Variants in MAP4K4 observed in about 807,000 individuals in gnomAD.
The protein encoded by MAP4K4 is HPK/GCK-like kinase HGK.
MAP4K4 carries 38 observed loss-of-function variants against 189.6 expected under a neutral mutation model. The observed-to-expected ratio is 0.20, with a 90% confidence interval of 0.15 to 0.26. The LOEUF (loss-of-function observed/expected upper bound fraction) is 0.26, where lower values mean the gene tolerates loss of function less well. MAP4K4 is among the 10% of genes least tolerant of loss of function. MAP4K4 has a pLI of 1.00. For synonymous variants in MAP4K4, 610 were observed against 624.3 expected (o/e 0.98, Z 0.34); for missense variants, 1,054 against 1,726.9 (o/e 0.61, Z 6.91).
intron 29 of MAP4K4, 139 bp from the exon 30 acceptor site, chr2:101,886,949 T>G: frequency 1.8e-6 from 1 of 562,766 alleles, no homozygotes; most frequent in Non-Finnish European, 3.0e-6. Flanking sequence ...GGTGCGAACC[T>G]GGGAGGCGGA....
chr2:101,803,443 C>T (rs889040847), intron 3 of MAP4K4, among the ~76,000 whole-genome samples: 2 of 152,168 alleles, frequency 1.3e-5, no homozygotes, highest in African/African-American at 4.8e-5. Flanking sequence ...TTTAGATAAC[C>T]TGTGTCCATT....
chr2:101,807,330 G>A (rs927741945), intron 3 of MAP4K4, among the ~76,000 whole-genome samples: 3 of 152,060 alleles, frequency 2.0e-5, no homozygotes, highest in Admixed American at 1.3e-4. Flanking sequence ...GCCTCCCAGA[G>A]TGCTAAGATT....
intron 2 of MAP4K4, among the ~76,000 whole-genome samples, chr2:101,739,371 A>G (rs1471820412): frequency 3.3e-5 from 5 of 151,162 alleles, no homozygotes; most frequent in Admixed American, 2.0e-4. Flanking sequence ...CTTCATGGAT[A>G]GGAGTCCTAA....
intron 12 of MAP4K4, among the ~76,000 whole-genome samples, chr2:101,845,850 TC>T (rs139471122): frequency 0.057 from 8,603 of 152,160 alleles, 656 homozygotes; most frequent in African/African-American, 0.17. Flanking sequence ...TTACCTTTTT[TC>T]CCCCAGAAAA....
intron 2 of MAP4K4, among the ~76,000 whole-genome samples, chr2:101,786,429 A>G (rs548627223): frequency 6.6e-6 from 1 of 152,244 alleles, no homozygotes; most frequent in East Asian, 1.9e-4. Flanking sequence ...CATTTTCCTG[A>G]AATTTAAAGA....
intron 2 of MAP4K4, among the ~76,000 whole-genome samples, chr2:101,782,120 T>G (rs1398759797): frequency 6.6e-6 from 1 of 152,254 alleles, no homozygotes; most frequent in African/African-American, 2.4e-5. Context: ...GCTCAAGAAT[T>G]CAGGGTTTAG....
At chr2:101,768,915 C>T (rs1257984353) in intron 2 of MAP4K4, among the ~76,000 whole-genome samples, 1 of 152,224 alleles carries the variant, frequency 6.6e-6, no homozygotes, top group African/African-American at 2.4e-5. Flanking sequence ...TGTCAGTGGC[C>T]ACAGTTGGTG....
At chr2:101,704,611 C>T (rs559523598) in intron 2 of MAP4K4, among the ~76,000 whole-genome samples, 255 of 116,742 alleles carry the variant, frequency 2.2e-3, no homozygotes, top group Non-Finnish European at 3.0e-3. Context: ...CTCGCTCTGT[C>T]GCCCAGGCTG....
intron 3 of MAP4K4, among the ~76,000 whole-genome samples, chr2:101,808,601 A>T (rs2095192484): frequency 7.0e-6 from 1 of 142,552 alleles, no homozygotes. Flanking sequence ...TTTATAAATT[A>T]CAGCTCAGTG....
intron 4 of MAP4K4, 88 bp from the exon 5 acceptor site, chr2:101,825,230 CT>C: frequency 1.4e-6 from 1 of 701,302 alleles, no homozygotes; most frequent in East Asian, 2.8e-5. Context: ...GTTTCTAGGT[CT>C]TTAGAAAAGA....
chr2:101,737,877 T>TA (rs1228585123), intron 2 of MAP4K4, among the ~76,000 whole-genome samples: 13 of 152,130 alleles, frequency 8.5e-5, no homozygotes, highest in African/African-American at 2.4e-5. Flanking sequence ...CCACACTTTT[T>TA]AAAAGTTGGC....
intron 12 of MAP4K4, among the ~76,000 whole-genome samples, chr2:101,847,808 C>T (rs927107926): frequency 6.6e-6 from 1 of 152,114 alleles, no homozygotes; most frequent in African/African-American, 2.4e-5. Flanking sequence ...CAGTAGTGTA[C>T]GCTAATGTTC....
At chr2:101,846,408 C>G (rs1382144264) in intron 12 of MAP4K4, among the ~76,000 whole-genome samples, 2 of 152,086 alleles carry the variant, frequency 1.3e-5, no homozygotes, top group African/African-American at 4.8e-5. Flanking sequence ...GCATAGACTA[C>G]TTTGGTGGTT....
intron 16 of MAP4K4, 130 bp from the exon 17 acceptor site, chr2:101,863,691 C>G: frequency 2.1e-6 from 1 of 484,768 alleles, no homozygotes; most frequent in Non-Finnish European, 4.1e-6. Context: ...CACTGCGTGG[C>G]TGACCTAACA....
chr2:101,800,731 T>C (rs993630340), intron 3 of MAP4K4, among the ~76,000 whole-genome samples: 1 of 152,230 alleles, frequency 6.6e-6, no homozygotes, highest in African/African-American at 2.4e-5. Flanking sequence ...GTTGCACTAA[T>C]TCATTTATTT....
At chr2:101,779,140 G>C (rs2085914439) in intron 2 of MAP4K4, among the ~76,000 whole-genome samples, 1 of 152,200 alleles carries the variant, frequency 6.6e-6, no homozygotes, top group Non-Finnish European at 1.5e-5. Flanking sequence ...TGAACACACA[G>C]TGAGTGCTTC....
At chr2:101,790,668 A>G in intron 2 of MAP4K4, 52 bp from the exon 3 acceptor site, 1 of 1,331,850 alleles carries the variant, frequency 7.5e-7, no homozygotes, top group East Asian at 2.4e-5. Context: ...TGTTCTAATG[A>G]TTGTGCAAAA....
intron 2 of MAP4K4, among the ~76,000 whole-genome samples, chr2:101,711,298 A>G (rs2045382968): frequency 6.6e-6 from 1 of 152,164 alleles, no homozygotes; most frequent in Non-Finnish European, 1.5e-5. Flanking sequence ...ATTAAAAGAT[A>G]AAGTTTTTTT....
intron 2 of MAP4K4, among the ~76,000 whole-genome samples, chr2:101,747,249 G>T (rs2066116544): frequency 6.6e-6 from 1 of 152,112 alleles, no homozygotes; most frequent in South Asian, 2.1e-4. Flanking sequence ...CTCTTGAGTG[G>T]CTGGGATTAT....
Sources: allele counts gnomAD v4.1 joint callset (sites outside exome capture counted in the v4.1 genomes callset), GRCh38; gene constraint gnomAD v4.1.1; transcripts MANE v1.5; gene names NCBI Gene and HGNC (gene_info 2026-07-23, HGNC 2026-07-21).